Variants in PMPCB observed in about 807,000 individuals in gnomAD.
PMPCB encodes peptidase, mitochondrial processing subunit beta.
In PMPCB, 46 loss-of-function variants were observed where a neutral mutation model predicts 61.5. The ratio of observed to expected loss-of-function variants is 0.75; its 90% CI spans 0.59 to 0.96. The LOEUF (loss-of-function observed/expected upper bound fraction) is 0.96, where lower values mean the gene tolerates loss of function less well. PMPCB is among the 40% of genes least tolerant of loss of function. The pLI is 0.00. For synonymous variants in PMPCB, 191 were observed against 201.6 expected, an observed-to-expected ratio of 0.95 and a Z score of 0.44; for missense variants, 590 against 602.4, an observed-to-expected ratio of 0.98 and a Z score of 0.22.
intron 12 of PMPCB, among the ~76,000 whole-genome samples, chr7:103,328,422 G>C (rs1426295789): frequency 6.6e-6 from 1 of 151,966 alleles, no homozygotes; most frequent in Non-Finnish European, 1.5e-5. Flanking sequence ...CTTGAGGTCA[G>C]GAGTTCAAGA....
chr7:103,312,679 G>T lies in PMPCB; in HGVS notation c.*408G>T. 1 of 1,603,488 alleles carries T rather than the reference G, an allele frequency of 6.2e-7. No individual in the cohort carries two copies. The highest frequency in any genetic ancestry group is 8.5e-7 in the Non-Finnish European group (1 of 1,177,424). On this transcript the variant is annotated 3_prime_UTR_variant, in exon 13 of 13. Transcript: ENST00000249269. ...AGAAAGGTGTGATTTAAGAAGTTGC[G>T]ATTTAAAAACAGACATTTTAATCTA...
chr7:103,297,786 G>A lies in PMPCB; in HGVS notation c.99+228G>A, dbSNP rs550684471. 3.3e-5 allele frequency: 50 copies of A among 1,530,186 alleles called. No homozygotes were observed. The African/African-American group carries it at 6.4e-4, about 20-fold the overall frequency. 94.8% of individuals were successfully genotyped at this position (1,530,186 alleles called of 1,614,324 possible). A position where few individuals can be genotyped will look rare whatever the true frequency, so the allele number is the denominator to read the frequency against. ...ACGTGTGGGATGACCCTGGTTTTCG[G>A]CTCCTCCCGCCAGCTACTGAGGAGT... On this transcript the variant is annotated intron_variant, in intron 1 of 12. Coordinates refer to ENST00000249269, the MANE Select transcript of PMPCB (RefSeq NM_004279.3).
At chr7:103,327,787 A>T in intron 12 of PMPCB, 1 of 1,429,734 alleles carries the variant, frequency 7.0e-7, no homozygotes, top group Non-Finnish European at 9.8e-7. Context: ...ATAATTTGTC[A>T]CTTTAAGCAC....
intron 12 of PMPCB, chr7:103,319,995 C>G: frequency 8.3e-6 from 6 of 719,436 alleles, no homozygotes; most frequent in Non-Finnish European, 1.4e-5. Flanking sequence ...GATCACGCCA[C>G]TGCACTCCAG....
intron 12 of PMPCB, chr7:103,319,747 T>C: frequency 3.7e-6 from 6 of 1,614,186 alleles, no homozygotes; most frequent in Non-Finnish European, 5.1e-6. Flanking sequence ...AGCAGTTCCA[T>C]AGGTATACCT....
At chr7:103,341,210 C>T in the PMPCB span, among the ~76,000 whole-genome samples, 1 of 152,180 alleles carries the variant, frequency 6.6e-6, no homozygotes, top group African/African-American at 2.4e-5. Flanking sequence ...TCCCTTGCCC[C>T]CTTTCAAGCA....
In PMPCB at chr7:103,311,699, T is replaced by C; in HGVS notation, c.1211T>C (p.Leu404Pro). ...ESEVARARNLLKTNMLLQLDG... is the reference protein window; with the variant it reads ...ESEVARARNLPKTNMLLQLDG... Reference sequence around the variant, plus strand: ...GAGGTTGCACGAGCCAGAAATCTTCTGAAAACAAACATGTTGTTGCAGCTT... The same window carrying C: ...GAGGTTGCACGAGCCAGAAATCTTCCGAAAACAAACATGTTGTTGCAGCTT... Residue 404 changes from leucine to proline, a missense_variant, in exon 10 of 13, where the codon CTG (leucine) becomes CCG (proline). Coordinates refer to ENST00000249269, the MANE Select transcript of PMPCB (RefSeq NM_004279.3). 1 of 1,614,026 alleles carries C rather than the reference T, an allele frequency of 6.2e-7. No homozygotes were observed. Among genetic ancestry groups the C allele is most frequent in the East Asian group, 2.2e-5 (1 of 44,868 alleles).
At chr7:103,337,690 T>C in the PMPCB span, 1 of 1,444,652 alleles carries the variant, frequency 6.9e-7, no homozygotes, top group Non-Finnish European at 9.7e-7. Flanking sequence ...AGCCAGCCTG[T>C]TCCTATACAA....
Position 103,297,467 on chromosome 7 carries a change from C to T in PMPCB, c.8C>T (p.Ala3Val), listed in dbSNP as rs138251541. The change falls in exon 1 of 13, where the codon GCT (alanine) becomes GTT (valine). Residue 3 changes from alanine to valine, a missense_variant. Coordinates refer to ENST00000249269, the MANE Select transcript of PMPCB (RefSeq NM_004279.3). ...ACCTTCCTTCTAGCAGAAATGGCGGCTGCGGCGGCTCGAGTGGTGTTGTCA... is the reference window on the plus strand; with the variant it reads ...ACCTTCCTTCTAGCAGAAATGGCGGTTGCGGCGGCTCGAGTGGTGTTGTCA... MA[A>V]AAARVVLSSA... 3.0e-3 allele frequency: 4,648 copies of T among 1,543,624 alleles called. 13 individuals carry two copies. Among genetic ancestry groups the T allele is most frequent in the Non-Finnish European group, 3.8e-3 (4,307 of 1,144,696 alleles).
chr7:103,330,750 C>CT (rs112547436), downstream of PMPCB, among the ~76,000 whole-genome samples: 96 of 143,812 alleles, frequency 6.7e-4, no homozygotes, highest in Middle Eastern at 7.2e-3. Context: ...ACACCCAGCT[C>CT]TTTTTTTTTT....
At chr7:103,322,743 T>C (rs1293670582) in intron 12 of PMPCB, 1 of 1,610,356 alleles carries the variant, frequency 6.2e-7, no homozygotes, top group South Asian at 1.1e-5. Flanking sequence ...CTTTTTTTCT[T>C]TGTGCTCTTG....
At chr7:103,327,781 T>C (rs528605759) in intron 12 of PMPCB, 1 of 1,523,688 alleles carries the variant, frequency 6.6e-7, no homozygotes, top group South Asian at 1.2e-5. Flanking sequence ...ATTGAGATAA[T>C]TTGTCACTTT....
At chr7:103,329,013 G>C in exon 13 of PMPCB, 1 of 1,272,878 alleles carries the variant, frequency 7.9e-7, no homozygotes. Context: ...ACTCCTACGT[G>C]AACATCCTTT....
At chr7:103,332,798 A>AT (rs935539004), downstream of PMPCB, among the ~76,000 whole-genome samples, 13 of 151,956 alleles carry the variant, frequency 8.6e-5, no homozygotes, top group Non-Finnish European at 1.6e-4. Context: ...TAATTTTTGT[A>AT]TTTTTTGTAG....
the PMPCB span, chr7:103,342,053 TACCAGCATATACTTTTAAA>T: frequency 1.1e-6 from 1 of 872,394 alleles, no homozygotes; most frequent in South Asian, 3.1e-5. Context: ...AAAACAGTGA[TACCAGCATATACTTTTAAA>T]ACCACCGACT....
chr7:103,325,787 T>C (rs1404246129), intron 12 of PMPCB, among the ~76,000 whole-genome samples: 3 of 152,258 alleles, frequency 2.0e-5, no homozygotes, highest in Non-Finnish European at 4.4e-5. Flanking sequence ...AAAATACGTA[T>C]GCTTTAATCG....
At chr7:103,347,511 T>C in the PMPCB span, 6 of 536,690 alleles carry the variant, frequency 1.1e-5, no homozygotes, top group Non-Finnish European at 1.4e-5. Context: ...ACTGTAAAGT[T>C]TCCTTCTCAC....
At chr7:103,343,738 G>A in the PMPCB span, among the ~76,000 whole-genome samples, 1 of 152,192 alleles carries the variant, frequency 6.6e-6, no homozygotes, top group African/African-American at 2.4e-5. Context: ...CCTTACACAG[G>A]AGAGGATTAA....
intron 1 of PMPCB, chr7:103,298,018 T>C (rs1302606059): frequency 2.2e-6 from 2 of 929,936 alleles, no homozygotes; most frequent in Non-Finnish European, 2.8e-6. Flanking sequence ...CAAAGGGATG[T>C]GAGACTTTTG....
Sources: gnomAD v4.1 joint callset for allele counts (sites outside exome capture counted in the v4.1 genomes callset) on GRCh38, gnomAD v4.1.1 for gene constraint, MANE v1.5 for transcripts, NCBI Gene and HGNC (gene_info 2026-07-23, HGNC 2026-07-21) for gene names.